Variants in FHIP1A observed in about 807,000 individuals in gnomAD.
FHIP1A encodes the protein FHF complex subunit HOOK interacting protein 1A.
FHIP1A carries 61 observed loss-of-function variants against 88.6 expected under a neutral mutation model. The observed-to-expected ratio is 0.69, with a 90% CI of 0.56 to 0.85. The LOEUF is 0.85. FHIP1A is among the 40% of genes least tolerant of loss of function. The probability of loss-of-function intolerance (pLI) is 0.00; values close to 1 mark genes in which losing one functional copy is unlikely to be tolerated. For synonymous variants in FHIP1A, 478 were observed against 496.0 expected (o/e 0.96, Z 0.48); for missense variants, 1,154 against 1,273.5 (o/e 0.91, Z 1.43).
At chr4:151,578,133 T>A in intron 5 of FHIP1A, 57 bp downstream of exon 5, 1 of 1,428,590 alleles carries the variant, frequency 7.0e-7, no homozygotes, top group East Asian at 2.5e-5. Context: ...CTTCTGTTGC[T>A]AGTGATGAAT....
chr4:151,478,315 GA>G (rs1185761976), intron 2 of FHIP1A, among the ~76,000 whole-genome samples: 1 of 152,068 alleles, frequency 6.6e-6, no homozygotes, highest in East Asian at 1.9e-4. Flanking sequence ...CAATTTCTGG[GA>G]AAGCTAACTT....
At chr4:151,440,968 C>G (rs536333045) in intron 1 of FHIP1A, among the ~76,000 whole-genome samples, 2 of 152,126 alleles carry the variant, frequency 1.3e-5, no homozygotes, top group Non-Finnish European at 2.9e-5. Flanking sequence ...TTTAAATCCC[C>G]TCTGTTCACT....
At chr4:151,625,369 T>C (rs967104679) in intron 7 of FHIP1A, among the ~76,000 whole-genome samples, 1 of 152,082 alleles carries the variant, frequency 6.6e-6, no homozygotes, top group African/African-American at 2.4e-5. Flanking sequence ...CCTGCCTGAG[T>C]GACAGAAGGT....
At chr4:151,505,614 G>C (rs1730808267) in intron 3 of FHIP1A, among the ~76,000 whole-genome samples, 1 of 152,134 alleles carries the variant, frequency 6.6e-6, no homozygotes, top group Non-Finnish European at 1.5e-5. Flanking sequence ...ATAATTGAAC[G>C]CTGAATGTTC....
intron 3 of FHIP1A, among the ~76,000 whole-genome samples, chr4:151,499,382 A>G (rs1730569684): frequency 6.6e-6 from 1 of 152,078 alleles, no homozygotes; most frequent in Non-Finnish European, 1.5e-5. Flanking sequence ...AATTTCTCTT[A>G]TTTTTACGTG....
intron 2 of FHIP1A, among the ~76,000 whole-genome samples, chr4:151,481,734 T>C (rs920607849): frequency 1.3e-5 from 2 of 152,106 alleles, no homozygotes; most frequent in Non-Finnish European, 2.9e-5. Flanking sequence ...CCTCCACTTA[T>C]TGTGATATCA....
intron 9 of FHIP1A, 36 bp from the exon 10 acceptor site, chr4:151,646,522 G>T: frequency 6.8e-7 from 1 of 1,477,886 alleles, no homozygotes; most frequent in Non-Finnish European, 9.2e-7. Context: ...TCAAGACATT[G>T]CAGAGACCAA....
chr4:151,631,093 A>G (rs1388148546), intron 8 of FHIP1A, among the ~76,000 whole-genome samples: 1 of 152,178 alleles, frequency 6.6e-6, no homozygotes, highest in Non-Finnish European at 1.5e-5. Flanking sequence ...CTACTTTAAC[A>G]CACTGGAAAA....
intron 7 of FHIP1A, among the ~76,000 whole-genome samples, chr4:151,589,217 G>A (rs966029474): frequency 2.6e-5 from 4 of 152,172 alleles, no homozygotes; most frequent in African/African-American, 9.7e-5. Flanking sequence ...GTGGGCAGTG[G>A]CAACTTGGAA....
At chr4:151,629,927 T>C in intron 8 of FHIP1A, 58 bp downstream of exon 8, 1 of 1,341,658 alleles carries the variant, frequency 7.5e-7, no homozygotes, top group Non-Finnish European at 1.0e-6. Flanking sequence ...CAGGAGAGTT[T>C]TTTTTTGGGA....
chr4:151,472,357 A>G (rs1156425859), intron 2 of FHIP1A, among the ~76,000 whole-genome samples: 1 of 152,018 alleles, frequency 6.6e-6, no homozygotes, highest in Non-Finnish European at 1.5e-5. Context: ...TACAAACACT[A>G]TGAGTATTTC....
At chr4:151,410,615 G>A (rs956776316) in intron 1 of FHIP1A, among the ~76,000 whole-genome samples, 1 of 152,192 alleles carries the variant, frequency 6.6e-6, no homozygotes, top group Non-Finnish European at 1.5e-5. Flanking sequence ...CTGACCTCAA[G>A]TTCACTTGTA....
chr4:151,500,644 G>A (rs1730618343), intron 3 of FHIP1A, among the ~76,000 whole-genome samples: 1 of 152,096 alleles, frequency 6.6e-6, no homozygotes. Flanking sequence ...AAGCAGTGCA[G>A]GCCACATTGT....
intron 7 of FHIP1A, among the ~76,000 whole-genome samples, chr4:151,622,164 A>C (rs2126865681): frequency 6.6e-6 from 1 of 152,342 alleles, no homozygotes; most frequent in Non-Finnish European, 1.5e-5. Context: ...AAAACTGAGA[A>C]GGGGAACTGA....
intron 1 of FHIP1A, among the ~76,000 whole-genome samples, chr4:151,411,066 C>T (rs2126498161): frequency 6.6e-6 from 1 of 152,266 alleles, no homozygotes; most frequent in East Asian, 1.9e-4. Context: ...TCTTGGCTCT[C>T]ATATAAAGAC....
intron 2 of FHIP1A, among the ~76,000 whole-genome samples, chr4:151,465,890 A>G (rs1418268997): frequency 6.6e-6 from 1 of 152,192 alleles, no homozygotes; most frequent in East Asian, 1.9e-4. Context: ...AATAAGAGCT[A>G]TCTATGACAA....
Position 151,566,256 on chromosome 4 carries a change from G to C in FHIP1A, c.-4G>C. ...GACTTAGAAGCATTGATTTATGAAG[G>C]CTTATGATGTCATCGGTTTCGACAG... On this transcript the variant is annotated 5_prime_UTR_variant, in exon 4 of 14. Transcript: ENST00000435205. 1 of 1,538,342 alleles carries C rather than the reference G, an allele frequency of 6.5e-7. No homozygotes were observed.
At position 151,656,434 on chromosome 4, in the gene FHIP1A, A is replaced by G. The variant is rs1255360971; in HGVS notation, c.2730+24A>G. Reference sequence around the variant, plus strand: ...AGGTATGTTAGCTGAACCCACATCCACACCTGTTGATTTTGTGGGTGCTAA... The same window carrying G: ...AGGTATGTTAGCTGAACCCACATCCGCACCTGTTGATTTTGTGGGTGCTAA... On this transcript the variant is annotated intron_variant, in intron 12 of 13. Transcript: ENST00000435205. The surrounding 1 kb of genome is among the most constrained non-coding windows in gnomAD (Gnocchi z 4.2). 1.3e-6 allele frequency: 2 copies of G among 1,543,634 alleles called. No homozygotes were observed. Among genetic ancestry groups the G allele is most frequent in the Non-Finnish European group, 8.8e-7 (1 of 1,141,366 alleles).
intron 7 of FHIP1A, among the ~76,000 whole-genome samples, chr4:151,610,773 C>A (rs553179629): frequency 6.6e-6 from 1 of 152,292 alleles, no homozygotes; most frequent in Admixed American, 6.5e-5. Context: ...TCTTCCTGAT[C>A]AGTGCAGGCA....
Sources: gnomAD v4.1 joint callset for allele counts (sites outside exome capture counted in the v4.1 genomes callset) on GRCh38, gnomAD v4.1.1 for gene constraint, Gnocchi (gnomAD v3.1) non-coding constraint, MANE v1.5 for transcripts, NCBI Gene and HGNC (gene_info 2026-07-23, HGNC 2026-07-21) for gene names.